NCAM2: variants seen among roughly 807,000 people sequenced by gnomAD.
The protein encoded by NCAM2 is N-CAM-2.
Under a neutral mutation model 98.1 loss-of-function variants are expected in NCAM2, and 30 were observed. The ratio of observed to expected loss-of-function variants is 0.31; its 90% CI spans 0.23 to 0.41. The LOEUF (loss-of-function observed/expected upper bound fraction) is 0.41. Ranked by LOEUF, NCAM2 falls within the 10% of genes least tolerant of loss-of-function variation. NCAM2 has a pLI of 1.00. For missense variants in NCAM2, 867 were observed against 1,005.8 expected, an observed-to-expected ratio of 0.86 and a Z score of 1.87; for synonymous variants, 368 against 342.4, an observed-to-expected ratio of 1.07 and a Z score of -0.83.
intron 1 of NCAM2, among the ~76,000 whole-genome samples, chr21:21,038,563 C>A (rs1299728343): frequency 6.6e-6 from 1 of 152,078 alleles, no homozygotes; most frequent in Non-Finnish European, 1.5e-5. Flanking sequence ...GGCCTTAATC[C>A]CCTTTTGCTC....
At chr21:21,495,449 C>A (rs982836764) in intron 15 of NCAM2, among the ~76,000 whole-genome samples, 1 of 151,862 alleles carries the variant, frequency 6.6e-6, no homozygotes, top group African/African-American at 2.4e-5. Flanking sequence ...TTACCATAGC[C>A]CAGGCCGCCT....
intron 11 of NCAM2, among the ~76,000 whole-genome samples, chr21:21,423,167 T>C (rs557043638): frequency 6.6e-6 from 1 of 152,244 alleles, no homozygotes; most frequent in East Asian, 1.9e-4. Flanking sequence ...TTGATGCAGG[T>C]TTCTGATAAA....
intron 1 of NCAM2, among the ~76,000 whole-genome samples, chr21:21,124,808 T>C (rs2066752688): frequency 6.6e-6 from 1 of 152,072 alleles, no homozygotes; most frequent in East Asian, 1.9e-4. Flanking sequence ...TTATGAAGAG[T>C]CTCAATGAGA....
chr21:21,287,847 T>C (rs963061145), intron 4 of NCAM2, among the ~76,000 whole-genome samples: 5 of 151,880 alleles, frequency 3.3e-5, no homozygotes, highest in Non-Finnish European at 7.4e-5. Context: ...CCTGAAGCTT[T>C]GAACATCTTT....
intron 12 of NCAM2, among the ~76,000 whole-genome samples, chr21:21,450,302 TTG>T (rs144156360): frequency 1.6e-4 from 24 of 148,104 alleles, no homozygotes; most frequent in African/African-American, 2.7e-4. Flanking sequence ...GTGTGTGTGT[TTG>T]TGTGTGTGTG....
chr21:21,100,203 G>T (rs1425042783), intron 1 of NCAM2, among the ~76,000 whole-genome samples: 1 of 151,928 alleles, frequency 6.6e-6, no homozygotes, highest in East Asian at 1.9e-4. Context: ...GGAAGGTAAA[G>T]TTCATGCATT....
chr21:21,404,762 ATG>A (rs1192711649), intron 9 of NCAM2, among the ~76,000 whole-genome samples: 2 of 151,764 alleles, frequency 1.3e-5, no homozygotes, highest in Non-Finnish European at 2.9e-5. Context: ...ATATATTCAT[ATG>A]TGTGTTTACA....
At chr21:21,519,347 C>T (rs888574571) in intron 16 of NCAM2, among the ~76,000 whole-genome samples, 1 of 151,924 alleles carries the variant, frequency 6.6e-6, no homozygotes, top group Non-Finnish European at 1.5e-5. Flanking sequence ...TGAAGTAATC[C>T]AGATGAAAAA....
At chr21:21,340,087 T>TA (rs990124363) in intron 8 of NCAM2, among the ~76,000 whole-genome samples, 13 of 151,938 alleles carry the variant, frequency 8.6e-5, no homozygotes, top group African/African-American at 3.1e-4. Flanking sequence ...TATGTGAAAT[T>TA]AAAAAAATAC....
At chr21:21,410,549 A>T (rs554048477) in intron 10 of NCAM2, 88 bp downstream of exon 10, 10 of 637,868 alleles carry the variant, frequency 1.6e-5, no homozygotes, top group Admixed American at 3.8e-5. Flanking sequence ...TCATATGCAT[A>T]TATATATATA....
chr21:21,033,746 A>T (rs1274043584), intron 1 of NCAM2, among the ~76,000 whole-genome samples: 2 of 152,106 alleles, frequency 1.3e-5, no homozygotes, highest in Non-Finnish European at 2.9e-5. Context: ...ACATAGAGTT[A>T]ATCTTTCCTG....
At chr21:21,280,501 G>A in intron 1 of NCAM2, 77 bp from the exon 2 acceptor site, 1 of 973,260 alleles carries the variant, frequency 1.0e-6, no homozygotes, top group Non-Finnish European at 1.6e-6. Flanking sequence ...TGGACCATGT[G>A]GTTTAGACAT....
intron 8 of NCAM2, among the ~76,000 whole-genome samples, chr21:21,367,500 A>C (rs1216244884): frequency 6.6e-6 from 1 of 152,086 alleles, no homozygotes; most frequent in African/African-American, 2.4e-5. Flanking sequence ...GGTTCATGGG[A>C]TCAAGAGAAA....
At chr21:21,347,769 C>G (rs773973601) in intron 8 of NCAM2, among the ~76,000 whole-genome samples, 8 of 151,942 alleles carry the variant, frequency 5.3e-5, no homozygotes, top group African/African-American at 1.9e-4. Flanking sequence ...ACACATTAGA[C>G]AAATCATTCA....
chr21:21,403,865 T>C (rs1057259740), intron 9 of NCAM2, among the ~76,000 whole-genome samples: 12 of 152,292 alleles, frequency 7.9e-5, no homozygotes, highest in African/African-American at 2.9e-4. Context: ...AAACAAGTTA[T>C]TGTAGCATTG....
intron 1 of NCAM2, among the ~76,000 whole-genome samples, chr21:21,064,625 C>A (rs1407979563): frequency 6.6e-6 from 1 of 152,066 alleles, no homozygotes; most frequent in African/African-American, 2.4e-5. Context: ...TGAGATGTGT[C>A]ATTTTTTAAA....
At chr21:21,340,609 A>G (rs769222467) in intron 8 of NCAM2, among the ~76,000 whole-genome samples, 1 of 151,994 alleles carries the variant, frequency 6.6e-6, no homozygotes, top group Non-Finnish European at 1.5e-5. Context: ...CCAGTCAATA[A>G]AGAAATTAAG....
chr21:21,150,803 A>G (rs569852285), intron 1 of NCAM2, among the ~76,000 whole-genome samples: 5 of 151,830 alleles, frequency 3.3e-5, no homozygotes, highest in Non-Finnish European at 5.9e-5. Flanking sequence ...AAAGATAATG[A>G]TATTTTTATA....
At chr21:21,411,764 G>A (rs1186410696) in intron 10 of NCAM2, among the ~76,000 whole-genome samples, 1 of 152,060 alleles carries the variant, frequency 6.6e-6, no homozygotes. Flanking sequence ...AACTTAAAAT[G>A]TCCTCATTGA....
Sources: allele counts gnomAD v4.1 joint callset (sites outside exome capture counted in the v4.1 genomes callset), GRCh38; gene constraint gnomAD v4.1.1; transcripts MANE v1.5; gene names NCBI Gene and HGNC (gene_info 2026-07-23, HGNC 2026-07-21).